Variants in GPR137B observed in about 807,000 individuals in gnomAD.
GPR137B encodes integral membrane protein GPR137B.
A neutral mutation model predicts 42.5 loss-of-function variants in GPR137B; 42 were observed. The observed-to-expected ratio is 0.99, with a 90% confidence interval of 0.77 to 1.28. The LOEUF is 1.28. GPR137B is among the 50% of genes most tolerant of loss of function. The pLI is 0.00. For synonymous variants in GPR137B, 218 were observed against 209.7 expected (o/e 1.04, Z -0.34); for missense variants, 487 against 493.9 (o/e 0.99, Z 0.13).
intron 4 of GPR137B, among the ~76,000 whole-genome samples, chr1:236,182,985 A>T (rs893443376): frequency 6.6e-6 from 1 of 152,210 alleles, no homozygotes; most frequent in African/African-American, 2.4e-5. Context: ...TGAAAGAAGC[A>T]TGCGTAGTTT....
At chr1:236,204,346 A>G (rs1663587314) in intron 5 of GPR137B, among the ~76,000 whole-genome samples, 1 of 152,222 alleles carries the variant, frequency 6.6e-6, no homozygotes, top group Non-Finnish European at 1.5e-5. Flanking sequence ...AATATTTATC[A>G]GAGATATTGG....
chr1:236,164,948 A>G (rs1471750639), intron 1 of GPR137B, among the ~76,000 whole-genome samples: 1 of 151,918 alleles, frequency 6.6e-6, no homozygotes, highest in Non-Finnish European at 1.5e-5. Context: ...CTTGTTGCCC[A>G]GGCTGGAGTG....
rs1001262491 is a variant in GPR137B at position 236,205,084 on chromosome 1, A to G, written c.967-42A>G. The G allele has an allele frequency of 4.2e-5, 66 of 1,554,706 alleles. 1 individual carries two copies. The highest frequency in any genetic ancestry group is 5.6e-5 in the Non-Finnish European group (64 of 1,139,794). ...ATCTTATTTTTGTCTGGTGCAAGGC[A>G]TGATGTCTGTAAGTATGCTGAATGA... On this transcript the variant is annotated intron_variant, in intron 5 of 6. Coordinates refer to ENST00000366592, the MANE Select transcript of GPR137B (RefSeq NM_003272.4).
chr1:236,169,202 G>T (rs1156302294), intron 2 of GPR137B, among the ~76,000 whole-genome samples: 2 of 141,088 alleles, frequency 1.4e-5, no homozygotes, highest in Non-Finnish European at 2.9e-5. Context: ...GCAGGTGCAG[G>T]TGCAGGTGCA....
chr1:236,178,816 G>C (rs867098587), intron 3 of GPR137B, among the ~76,000 whole-genome samples, 180 bp downstream of exon 3: 1 of 2,296 alleles, frequency 4.4e-4, no homozygotes, highest in African/African-American at 5.7e-4. Flanking sequence ...TTTTTTTTTT[G>C]AGACGGAGTC....
At chr1:236,182,578 TAAA>T (rs1370710686) in intron 4 of GPR137B, among the ~76,000 whole-genome samples, 2 of 151,756 alleles carry the variant, frequency 1.3e-5, no homozygotes, top group African/African-American at 4.8e-5. Flanking sequence ...CTACAAAAAA[TAAA>T]AAATTAAAAT....
chr1:236,195,400 A>G (rs749953494), intron 5 of GPR137B, among the ~76,000 whole-genome samples: 19 of 152,084 alleles, frequency 1.2e-4, no homozygotes, highest in Non-Finnish European at 2.6e-4. Flanking sequence ...TAACATAATC[A>G]TCTCCAGTTC....
intron 6 of GPR137B, among the ~76,000 whole-genome samples, chr1:236,205,669 T>C (rs1663637248): frequency 1.3e-5 from 2 of 152,120 alleles, no homozygotes; most frequent in East Asian, 1.9e-4. Flanking sequence ...GGCTCCTGAG[T>C]AGCTGGGATT....
chr1:236,146,176 G>A (rs372478334), intron 1 of GPR137B, among the ~76,000 whole-genome samples: 11 of 152,084 alleles, frequency 7.2e-5, no homozygotes, highest in African/African-American at 2.7e-4. Flanking sequence ...TCTTAACAAT[G>A]GGAAAACATA....
At chr1:236,183,680 A>G in intron 4 of GPR137B, 98 bp from the exon 5 acceptor site, 1 of 780,324 alleles carries the variant, frequency 1.3e-6, no homozygotes, top group Non-Finnish European at 2.1e-6. Flanking sequence ...GAATTGTACT[A>G]GAGTATTAGA....
rs761718187 is a variant in GPR137B at position 236,183,874 on chromosome 1, T to G, written c.934T>G (p.Phe312Val). 8 of 1,609,394 alleles carry G rather than the reference T, an allele frequency of 5.0e-6. No homozygotes were observed. Among genetic ancestry groups the G allele is most frequent in the Non-Finnish European group, 6.0e-6 (7 of 1,176,040 alleles). ...CTTACCTACCACCTTAGTCGTTTATTTCTTCCGAGTTAGAAATCCTACAAA... is the reference window on the plus strand; with the variant it reads ...CTTACCTACCACCTTAGTCGTTTATGTCTTCCGAGTTAGAAATCCTACAAA... ...ELLPTTLVVY[F>V]FRVRNPTKDL... The change falls in exon 5 of 7, where the codon TTC becomes GTC. Residue 312 changes from phenylalanine (F) to valine (V), a missense_variant. By Grantham distance (50) the Phe-to-Val change is conservative (BLOSUM62 -1). Coordinates refer to ENST00000366592, the MANE Select transcript of GPR137B (RefSeq NM_003272.4).
Position 236,155,132 on chromosome 1 carries a change from C to A in GPR137B, c.414+12096C>A, listed in dbSNP as rs570233824. Among the ~76,000 whole-genome samples the A allele has an allele frequency of 2.0e-5, 3 of 152,208 alleles. No individual in the cohort carries two copies. The East Asian group carries it at 5.8e-4, about 29-fold the overall frequency. On this transcript the variant is annotated intron_variant, in intron 1 of 6. Coordinates refer to ENST00000366592, the MANE Select transcript of GPR137B (RefSeq NM_003272.4). This position sits in a 1 kb window ranked among gnomAD's most constrained non-coding sequence, Gnocchi z 4.6. The stretch of plus-strand genomic sequence containing the variant: ...CCTCTGTGCGGAACTGATGCCGAGA[C>A]GGACTCCACCCAGGCAGTGGGCAGG...
At position 236,142,865 on chromosome 1, in the gene GPR137B, C is replaced by T; in HGVS notation, c.243C>T (p.Phe81=). Reference sequence around the variant, plus strand: ...AGCGGCTCAGCTACCAGAGCGTCTTCCTCTTTCTCTGCCTCTTCTGGGCCT... The same window carrying T: ...AGCGGCTCAGCTACCAGAGCGTCTTTCTCTTTCTCTGCCTCTTCTGGGCCT... ...RHKRLSYQSV[F]LFLCLFWASL... is the part of the protein sequence containing the mutation. Residue 81 remains phenylalanine (F), a synonymous_variant, in exon 1 of 7, where the codon TTC becomes TTT. Coordinates refer to ENST00000366592, the MANE Select transcript of GPR137B (RefSeq NM_003272.4). 2.5e-6 allele frequency: 4 copies of T among 1,614,238 alleles called. No individual in the cohort carries two copies. Among genetic ancestry groups the T allele is most frequent in the South Asian group, 1.1e-5 (1 of 91,086 alleles).
In GPR137B at chr1:236,191,195, C is replaced by T. The variant is rs1663182065; in HGVS notation, c.966+7289C>T. On this transcript the variant is annotated intron_variant, in intron 5 of 6. Coordinates refer to ENST00000366592, the MANE Select transcript of GPR137B (RefSeq NM_003272.4). ...GCTATGTTTTTCAGCTCCATCAGGT[C>T]ATTTATATTCTCCTCTAAAGTGGTT... Among the ~76,000 whole-genome samples the T allele has an allele frequency of 3.3e-5, 5 of 152,098 alleles. No homozygotes were observed. The South Asian group carries it at 1.0e-3, about 31-fold the overall frequency.
At chr1:236,192,765 G>A (rs945354965) in intron 5 of GPR137B, among the ~76,000 whole-genome samples, 5 of 142,430 alleles carry the variant, frequency 3.5e-5, no homozygotes, top group African/African-American at 7.8e-5. Flanking sequence ...GGGAGCTGCA[G>A]ACTGGAGCTG....
At chr1:236,168,306 C>A (rs962821588) in intron 1 of GPR137B, among the ~76,000 whole-genome samples, 2 of 151,858 alleles carry the variant, frequency 1.3e-5, no homozygotes, top group African/African-American at 2.4e-5. Context: ...ACCTGTAATC[C>A]CAGCTACTTG....
At position 236,208,664 on chromosome 1, in the gene GPR137B, A is replaced by G. The variant is rs1161469880; in HGVS notation, c.*506A>G. 9.1e-6 allele frequency: 9 copies of G among 985,752 alleles called. No individual in the cohort carries two copies. Among genetic ancestry groups the G allele is most frequent in the Non-Finnish European group, 1.1e-5 (9 of 829,856 alleles). The allele number at this position is 985,752 out of a possible 1,614,324, so 61.1% of individuals were successfully genotyped here. A position where few individuals can be genotyped will look rare whatever the true frequency, so the allele number is the denominator to read the frequency against. On this transcript the variant is annotated 3_prime_UTR_variant, in exon 7 of 7. Transcript: ENST00000366592. ...GTAGACTCCTAAAATACAGTTGACA[A>G]CTTAGCCAATTGCAACTCCAGTGTT... is the stretch of plus-strand genomic sequence containing the variant.
At chr1:236,151,420 T>C (rs979730696) in intron 1 of GPR137B, among the ~76,000 whole-genome samples, 12,610 of 114,954 alleles carry the variant, frequency 0.11, 1,721 homozygotes, top group African/African-American at 0.38. Context: ...GCATATTCAT[T>C]TTTTTTTTTT....
intron 5 of GPR137B, among the ~76,000 whole-genome samples, chr1:236,192,822 A>G (rs1245305633): frequency 6.6e-6 from 1 of 152,096 alleles, no homozygotes; most frequent in Non-Finnish European, 1.5e-5. Flanking sequence ...TCGCTGTATG[A>G]CATCACTGGT....
Sources: gnomAD v4.1 joint callset for allele counts (sites outside exome capture counted in the v4.1 genomes callset) on GRCh38, gnomAD v4.1.1 for gene constraint, Gnocchi (gnomAD v3.1) non-coding constraint, MANE v1.5 for transcripts, NCBI Gene and HGNC (gene_info 2026-07-23, HGNC 2026-07-21) for gene names.